Variants in DIAPH1 observed in about 807,000 individuals in gnomAD.
The protein encoded by DIAPH1 is diaphanous related formin 1.
Under a neutral mutation model 140.7 loss-of-function variants are expected in DIAPH1, and 46 were observed. The ratio of observed to expected loss-of-function variants is 0.33; its 90% CI spans 0.26 to 0.42. DIAPH1 has a LOEUF of 0.42. Among genes scored for constraint, DIAPH1 ranks in the 10% least tolerant of loss-of-function variants. The probability of loss-of-function intolerance (pLI) is 1.00; values close to 1 mark genes in which losing one functional copy is unlikely to be tolerated. For synonymous variants in DIAPH1, 565 were observed against 551.6 expected (o/e 1.02, Z -0.34); for missense variants, 1,310 against 1,558.7 (o/e 0.84, Z 2.69).
chr5:141,580,911 G>C (rs757992491), intron 7 of DIAPH1, 28 bp from the exon 8 acceptor site: 7 of 1,614,112 alleles, frequency 4.3e-6, no homozygotes, highest in African/African-American at 1.3e-5. Flanking sequence ...AAAGAAAGGA[G>C]GCTGAAAGAC....
At chr5:141,560,939 G>C (rs534157445) in intron 18 of DIAPH1, 3 of 455,626 alleles carry the variant, frequency 6.6e-6, no homozygotes, top group Admixed American at 2.4e-5. Flanking sequence ...GGAAAGATGA[G>C]GGGGGGAAGG....
intron 26 of DIAPH1, 31 bp downstream of exon 26, chr5:141,526,007 C>G: frequency 6.2e-7 from 1 of 1,613,298 alleles, no homozygotes; most frequent in African/African-American, 1.3e-5. Flanking sequence ...ACATTCCTAT[C>G]TCAGCCCATC....
intron 1 of DIAPH1, 191 bp downstream of exon 1, chr5:141,618,607 G>A (rs1473923423): frequency 6.1e-6 from 3 of 491,510 alleles, no homozygotes; most frequent in African/African-American, 4.1e-5. Context: ...CAAGAGCCGG[G>A]TGGGATTCCG....
At chr5:141,518,882 T>C (rs1033707601) in intron 27 of DIAPH1, 17 of 1,497,528 alleles carry the variant, frequency 1.1e-5, no homozygotes, top group Non-Finnish European at 1.0e-5. Flanking sequence ...AGCTACTGTT[T>C]TCATCCCAGG....
At chr5:141,574,610 G>C (rs1244255583) in intron 15 of DIAPH1, among the ~76,000 whole-genome samples, 1 of 152,180 alleles carries the variant, frequency 6.6e-6, no homozygotes, top group Non-Finnish European at 1.5e-5. Context: ...ACTGCAGAGA[G>C]AGTGTGTAAG....
At chr5:141,571,277 G>A (rs2099895139) in intron 18 of DIAPH1, 151 bp downstream of exon 18, 1 of 647,500 alleles carries the variant, frequency 1.5e-6, no homozygotes, top group African/African-American at 1.8e-5. Context: ...TGAACTCCAG[G>A]GGAGGAAACA....
At position 141,616,261 on chromosome 5, in the gene DIAPH1, G is replaced by C. The variant is rs975842024; in HGVS notation, c.117+2537C>G. On this transcript the variant is annotated intron_variant, in intron 1 of 27. Coordinates refer to ENST00000389054, the MANE Select transcript of DIAPH1 (RefSeq NM_005219.5). Reference sequence around the variant, plus strand: ...ATCTCAGACAATTTGTGAGCTCTGTGTTCTCACCAGTTAATCCGTATTTAG... The same window carrying C: ...ATCTCAGACAATTTGTGAGCTCTGTCTTCTCACCAGTTAATCCGTATTTAG... Among the ~76,000 whole-genome samples, 5 of 152,182 alleles carry C rather than the reference G, an allele frequency of 3.3e-5. 1 individual carries two copies. The highest frequency in any genetic ancestry group is 1.2e-4 in the African/African-American group (5 of 41,444).
rs199792327 is a variant in DIAPH1, at chr5:141,603,749, A to G, written c.117+15049T>C. Among the ~76,000 whole-genome samples, 6 of 152,360 alleles carry G rather than the reference A, an allele frequency of 3.9e-5. No homozygotes were observed. In the East Asian group the frequency reaches 9.6e-4, roughly 24 times the overall value. On this transcript the variant is annotated intron_variant, in intron 1 of 27. Coordinates refer to ENST00000389054, the MANE Select transcript of DIAPH1 (RefSeq NM_005219.5). ...ACCTTATTTCCCAATTATAATTAAA[A>G]TGAGGGGAAAACTATCTTAATATTA...
chr5:141,540,287 A>AT (rs112618071), intron 18 of DIAPH1, among the ~76,000 whole-genome samples: 358 of 141,952 alleles, frequency 2.5e-3, no homozygotes, highest in African/African-American at 6.4e-3. Flanking sequence ...TGCCTGGCTA[A>AT]TTTTTTTTTT....
intron 18 of DIAPH1, chr5:141,564,296 C>G (rs767920714): frequency 6.6e-6 from 1 of 152,224 alleles, no homozygotes; most frequent in African/African-American, 2.4e-5. Context: ...GTATACTAAT[C>G]AGCTTGTATT....
intron 27 of DIAPH1, 92 bp from the exon 28 acceptor site, chr5:141,517,100 G>T: frequency 6.7e-7 from 1 of 1,486,132 alleles, no homozygotes; most frequent in Non-Finnish European, 9.2e-7. Context: ...AAGCCATGCA[G>T]ACATGACTAC....
chr5:141,550,357 T>C (rs1261138480), intron 18 of DIAPH1: 1 of 154,198 alleles, frequency 6.5e-6, no homozygotes, highest in East Asian at 1.9e-4. Context: ...CATTTTTTGA[T>C]GTTTAACTGC....
chr5:141,534,234 C>T lies in DIAPH1; in HGVS notation c.2581+101G>A, dbSNP rs543477592. ...TGGTTGGTATATAGCAGGAATTGAA[C>T]AATTAAAGTTCCATATCAAGGGACC... is the stretch of plus-strand genomic sequence containing the variant. On this transcript the variant is annotated intron_variant, in intron 19 of 27. Transcript: ENST00000389054. 14 of 932,662 alleles carry T rather than the reference C, an allele frequency of 1.5e-5. 1 individual carries two copies. The South Asian group carries it at 1.9e-4, about 12-fold the overall frequency. The allele number at this position is 932,662 out of a possible 1,614,324, so 57.8% of individuals were successfully genotyped here.
chr5:141,529,809 C>A, intron 19 of DIAPH1, 112 bp from the exon 20 acceptor site: 1 of 903,678 alleles, frequency 1.1e-6, no homozygotes, highest in Non-Finnish European at 1.8e-6. Flanking sequence ...TTAGGCCAGG[C>A]ACAGTGGCTC....
intron 1 of DIAPH1, among the ~76,000 whole-genome samples, chr5:141,597,628 T>A (rs1413779759): frequency 2.0e-5 from 3 of 152,188 alleles, no homozygotes; most frequent in Admixed American, 1.3e-4. Context: ...AGGATGACTG[T>A]ATGTGCCAGG....
chr5:141,527,699 T>TAAAAAAAAAAAAAAAAAAAAAAAAACAA lies in DIAPH1; in HGVS notation c.3149-3_3149-2insTTGTTTTTTTTTTTTTTTTTTTTTTTTT. 8.8e-7 allele frequency: 1 copy of TAAAAAAAAAAAAAAAAAAAAAAAAACAA among 1,130,080 alleles called. No homozygotes were observed. The highest frequency in any genetic ancestry group is 1.1e-6 in the Non-Finnish European group (1 of 891,156). 70.0% of individuals were successfully genotyped at this position (1,130,080 alleles called of 1,614,324 possible). A position where few individuals can be genotyped will look rare whatever the true frequency, so the allele number is the denominator to read the frequency against. On this transcript the variant is annotated splice_polypyrimidine_tract_variant and splice_region_variant and intron_variant, in intron 23 of 27. Coordinates refer to ENST00000389054, the MANE Select transcript of DIAPH1 (RefSeq NM_005219.5). ...TCTTTTGCAAGTTTTCAGCAGAAACTAAAAAAAAAAAAAAAAAAAAAAACC... is the reference window on the plus strand; with the variant it reads ...TCTTTTGCAAGTTTTCAGCAGAAACTAAAAAAAAAAAAAAAAAAAAAAAAACAAAAAAAAAAAAAAAAAAAAAAAAACC...
intron 1 of DIAPH1, among the ~76,000 whole-genome samples, chr5:141,612,725 G>T (rs2154597376): frequency 6.6e-6 from 1 of 152,212 alleles, no homozygotes; most frequent in Middle Eastern, 3.4e-3. Flanking sequence ...TATAGAAATG[G>T]TTTCATGAAT....
intron 18 of DIAPH1, among the ~76,000 whole-genome samples, chr5:141,570,709 C>G (rs2154596167): frequency 6.6e-6 from 1 of 152,072 alleles, no homozygotes; most frequent in East Asian, 1.9e-4. Flanking sequence ...TCATAGTAAG[C>G]CTCTAAACAA....
chr5:141,540,916 C>G lies in DIAPH1; in HGVS notation c.2483-6483G>C, dbSNP rs1031101869. On this transcript the variant is annotated intron_variant, in intron 18 of 27. Coordinates refer to ENST00000389054, the MANE Select transcript of DIAPH1 (RefSeq NM_005219.5). ...CTCTACTAAAATACAAAAAATTAGC[C>G]TGGTGTGGTGGCACTCGCCTATGGT... 3.3e-5 allele frequency among the ~76,000 whole-genome samples: 5 copies of G among 151,956 alleles called. No individual in the cohort carries two copies. In the East Asian group the frequency reaches 9.8e-4, roughly 30 times the overall value.
Sources: gnomAD v4.1 joint callset for allele counts (sites outside exome capture counted in the v4.1 genomes callset) on GRCh38, gnomAD v4.1.1 for gene constraint, MANE v1.5 for transcripts, NCBI Gene and HGNC (gene_info 2026-07-23, HGNC 2026-07-21) for gene names.